PTTG1IP2: variants seen among roughly 807,000 people sequenced by gnomAD.
The protein encoded by PTTG1IP2 is PTTG1IP family member 2.
intron 6 of PTTG1IP2, among the ~76,000 whole-genome samples, chr7:90,504,015 A>G (rs756421270): frequency 1.3e-5 from 2 of 151,880 alleles, no homozygotes; most frequent in Non-Finnish European, 2.9e-5. Context: ...TGGTTTGGTG[A>G]AGTAGAAAAA....
intron 6 of PTTG1IP2, among the ~76,000 whole-genome samples, chr7:90,513,048 A>C (rs1798207456): frequency 6.6e-6 from 1 of 152,192 alleles, no homozygotes; most frequent in African/African-American, 2.4e-5. Context: ...AGTTTGGGTA[A>C]TTGAAGAAGC....
At chr7:90,497,576 A>AC in intron 6 of PTTG1IP2, among the ~76,000 whole-genome samples, 1 of 149,012 alleles carries the variant, frequency 6.7e-6, no homozygotes, top group African/African-American at 2.4e-5. Flanking sequence ...AAAAAAAAAA[A>AC]AAAAAAAAAG....
chr7:90,498,722 T>C (rs1798025905), intron 6 of PTTG1IP2, among the ~76,000 whole-genome samples: 2 of 152,266 alleles, frequency 1.3e-5, no homozygotes, highest in South Asian at 4.1e-4. Context: ...TTGATCTATC[T>C]GGATAATAGT....
intron 2 of PTTG1IP2, among the ~76,000 whole-genome samples, chr7:90,485,226 C>G (rs765242240): frequency 3.3e-4 from 50 of 152,118 alleles, no homozygotes; most frequent in African/African-American, 8.0e-4. Context: ...CTATTTTTCC[C>G]CCTTGACCTT....
intron 6 of PTTG1IP2, among the ~76,000 whole-genome samples, chr7:90,510,035 C>G (rs113910099): frequency 2.8e-4 from 42 of 152,164 alleles, no homozygotes; most frequent in African/African-American, 7.5e-4. Flanking sequence ...AATCATATAC[C>G]ATAAATGTTT....
intron 2 of PTTG1IP2, among the ~76,000 whole-genome samples, chr7:90,482,589 A>G (rs979398109): frequency 6.6e-5 from 10 of 152,222 alleles, no homozygotes; most frequent in Admixed American, 6.5e-4. Flanking sequence ...ATAAAATTTC[A>G]AAAATCAGGC....
chr7:90,503,408 TC>T (rs1304865798), intron 6 of PTTG1IP2, among the ~76,000 whole-genome samples: 2 of 152,374 alleles, frequency 1.3e-5, no homozygotes, highest in East Asian at 3.9e-4. Context: ...TTCAAGGATT[TC>T]TTCCTTTGCA....
At chr7:90,475,754 A>G (rs1247075759) in intron 1 of PTTG1IP2, among the ~76,000 whole-genome samples, 1 of 152,040 alleles carries the variant, frequency 6.6e-6, no homozygotes, top group Non-Finnish European at 1.5e-5. Context: ...AGGTCAGGAG[A>G]TAGAGACCAT....
At chr7:90,473,663 C>T (rs959101293) in intron 1 of PTTG1IP2, among the ~76,000 whole-genome samples, 28 of 152,088 alleles carry the variant, frequency 1.8e-4, no homozygotes, top group African/African-American at 6.5e-4. Context: ...GATCAGATTC[C>T]ACCTCTTCTA....
chr7:90,494,691 G>C (rs766950879), intron 6 of PTTG1IP2, among the ~76,000 whole-genome samples: 48 of 152,046 alleles, frequency 3.2e-4, no homozygotes, highest in Non-Finnish European at 5.4e-4. Context: ...AGACTAGCCC[G>C]GACAATATAG....
At chr7:90,509,136 G>A (rs1045886839) in intron 6 of PTTG1IP2, among the ~76,000 whole-genome samples, 23 of 149,564 alleles carry the variant, frequency 1.5e-4, no homozygotes, top group Non-Finnish European at 2.7e-4. Context: ...TTGGAGGGGC[G>A]GACAACAGCA....
intron 5 of PTTG1IP2, among the ~76,000 whole-genome samples, chr7:90,493,630 G>C (rs778112434): frequency 6.6e-6 from 1 of 152,208 alleles, no homozygotes; most frequent in African/African-American, 2.4e-5. Context: ...ATAAAGTGTA[G>C]TCAAATTCAC....
intron 6 of PTTG1IP2, among the ~76,000 whole-genome samples, chr7:90,505,623 C>A (rs1241524356): frequency 6.6e-6 from 1 of 152,140 alleles, no homozygotes; most frequent in Non-Finnish European, 1.5e-5. Context: ...ATGACAATAG[C>A]TTTGTTAACC....
At chr7:90,496,500 T>G (rs940734997) in intron 6 of PTTG1IP2, among the ~76,000 whole-genome samples, 2 of 152,174 alleles carry the variant, frequency 1.3e-5, no homozygotes, top group African/African-American at 4.8e-5. Context: ...TCTCTTTCAT[T>G]TCTGATTTTA....
chr7:90,506,825 C>G (rs1439955112), intron 6 of PTTG1IP2, among the ~76,000 whole-genome samples: 1 of 152,126 alleles, frequency 6.6e-6, no homozygotes, highest in Non-Finnish European at 1.5e-5. Context: ...AATTCTTCAT[C>G]TTTCCTTTTT....
At chr7:90,495,934 C>T (rs1191660393) in intron 6 of PTTG1IP2, among the ~76,000 whole-genome samples, 1 of 152,160 alleles carries the variant, frequency 6.6e-6, no homozygotes, top group African/African-American at 2.4e-5. Flanking sequence ...AGAAGGCAAT[C>T]TCTCAGTATC....
intron 3 of PTTG1IP2, among the ~76,000 whole-genome samples, chr7:90,488,665 C>T (rs1797904539): frequency 6.6e-6 from 1 of 151,902 alleles, no homozygotes; most frequent in African/African-American, 2.4e-5. Flanking sequence ...AATGTTAACT[C>T]CTCTAGCAAC....
At chr7:90,485,167 G>A (rs1797855194) in intron 2 of PTTG1IP2, among the ~76,000 whole-genome samples, 1 of 152,112 alleles carries the variant, frequency 6.6e-6, no homozygotes, top group East Asian at 1.9e-4. Context: ...AAAGAAGAAT[G>A]GGGACACAAA....
At chr7:90,503,559 C>G (rs1182946079) in intron 6 of PTTG1IP2, among the ~76,000 whole-genome samples, 3 of 152,192 alleles carry the variant, frequency 2.0e-5, no homozygotes, top group African/African-American at 7.2e-5. Context: ...CACTTGAACA[C>G]TTAGAGGTCA....
Sources: allele counts gnomAD v4.1 joint callset (sites outside exome capture counted in the v4.1 genomes callset), GRCh38; gene constraint gnomAD v4.1.1; transcripts MANE v1.5; gene names NCBI Gene and HGNC (gene_info 2026-07-23, HGNC 2026-07-21).